Variants in ARHGEF26 observed in about 807,000 individuals in gnomAD.
The protein encoded by ARHGEF26 is Rho guanine nucleotide exchange factor 26, also known as Rho guanine nucleotide exchange factor (GEF) 26.
ARHGEF26 carries 59 observed loss-of-function variants against 89.4 expected under a neutral mutation model. That is an observed-to-expected ratio of 0.66 (90% CI 0.54 to 0.82). The LOEUF (loss-of-function observed/expected upper bound fraction) is 0.82, where lower values mean the gene tolerates loss of function less well. ARHGEF26 is among the 40% of genes least tolerant of loss of function. ARHGEF26 has a pLI of 0.00. For missense variants in ARHGEF26, 1,234 were observed against 1,085.6 expected (o/e 1.14, Z -1.92); for synonymous variants, 500 against 428.4 (o/e 1.17, Z -2.06).
At chr3:154,194,398 G>T (rs1322158430) in intron 8 of ARHGEF26, among the ~76,000 whole-genome samples, 1 of 152,142 alleles carries the variant, frequency 6.6e-6, no homozygotes, top group Admixed American at 6.5e-5. Context: ...GCAGACCTGG[G>T]ATTTGAAACC....
At chr3:154,140,128 C>G (rs1264850234) in intron 4 of ARHGEF26, among the ~76,000 whole-genome samples, 2 of 152,078 alleles carry the variant, frequency 1.3e-5, no homozygotes, top group Non-Finnish European at 2.9e-5. Flanking sequence ...AATGAGCAGA[C>G]TGAGTTGCAG....
chr3:154,139,644 G>A (rs912083455), intron 4 of ARHGEF26, among the ~76,000 whole-genome samples: 1 of 152,096 alleles, frequency 6.6e-6, no homozygotes, highest in African/African-American at 2.4e-5. Flanking sequence ...CTATTTCTCA[G>A]GGCCACATCC....
chr3:154,212,644 A>G (rs931497095), intron 9 of ARHGEF26, among the ~76,000 whole-genome samples: 12 of 152,048 alleles, frequency 7.9e-5, no homozygotes, highest in African/African-American at 2.4e-4. Context: ...GGATGAAACC[A>G]TTTCACCTCA....
chr3:154,255,978 A>G lies in ARHGEF26; in HGVS notation c.*505A>G. ...TTAATGCTTCGTTAACTTCAAAAGG[A>G]ACTGGTAGAGTTCAGAAGGTGAGCT... On this transcript the variant is annotated 3_prime_UTR_variant, in exon 15 of 15. Coordinates refer to ENST00000465093, the MANE Select transcript of ARHGEF26 (RefSeq NM_015595.4). The G allele has an allele frequency of 1.0e-6, 1 of 985,870 alleles. No individual in the cohort carries two copies. The highest frequency in any genetic ancestry group is 1.2e-6 in the Non-Finnish European group (1 of 830,066). 61.1% of individuals were successfully genotyped at this position (985,870 alleles called of 1,614,324 possible).
chr3:154,121,911 G>C (rs1315526739), intron 1 of ARHGEF26, 31 bp from the exon 2 acceptor site: 2 of 1,499,292 alleles, frequency 1.3e-6, no homozygotes, highest in Non-Finnish European at 1.8e-6. Flanking sequence ...GTTGTCCAGA[G>C]GCACAGTTTC....
intron 3 of ARHGEF26, among the ~76,000 whole-genome samples, chr3:154,126,793 G>GCATC (rs1718357432): frequency 6.6e-6 from 1 of 152,148 alleles, no homozygotes; most frequent in Non-Finnish European, 1.5e-5. Flanking sequence ...ATACAGCCAT[G>GCATC]CATCACTTAA....
intron 12 of ARHGEF26, among the ~76,000 whole-genome samples, chr3:154,244,668 TAAAAC>T (rs759420711): frequency 4.1e-4 from 63 of 151,820 alleles, no homozygotes; most frequent in Non-Finnish European, 7.2e-4. Context: ...TAATATTACA[TAAAAC>T]AAAATATTAT....
chr3:154,247,182 T>G, intron 12 of ARHGEF26, among the ~76,000 whole-genome samples: 1 of 152,330 alleles, frequency 6.6e-6, no homozygotes. Context: ...CTCACACCTA[T>G]GACCATTCCT....
At chr3:154,238,204 A>G (rs374412859) in intron 11 of ARHGEF26, among the ~76,000 whole-genome samples, 2 of 152,198 alleles carry the variant, frequency 1.3e-5, no homozygotes, top group East Asian at 1.9e-4. Context: ...CTCTTTTTAT[A>G]AACATCATGT....
intron 6 of ARHGEF26, among the ~76,000 whole-genome samples, chr3:154,184,428 G>A (rs1424199346): frequency 6.6e-6 from 1 of 152,196 alleles, no homozygotes; most frequent in Non-Finnish European, 1.5e-5. Context: ...TTTCACAGAT[G>A]TGTATTTTTA....
intron 3 of ARHGEF26, among the ~76,000 whole-genome samples, chr3:154,126,057 C>T (rs940989523): frequency 2.6e-5 from 4 of 152,160 alleles, no homozygotes; most frequent in Admixed American, 2.0e-4. Flanking sequence ...AATGAGAAAT[C>T]TGTCAACAAT....
chr3:154,176,460 A>G (rs1362359688), intron 6 of ARHGEF26, among the ~76,000 whole-genome samples: 1 of 152,220 alleles, frequency 6.6e-6, no homozygotes, highest in Non-Finnish European at 1.5e-5. Flanking sequence ...ATTACTTACA[A>G]ATCAGCTGCT....
chr3:154,165,080 G>A (rs1489386910), intron 6 of ARHGEF26, among the ~76,000 whole-genome samples: 7 of 152,054 alleles, frequency 4.6e-5, no homozygotes, highest in South Asian at 2.1e-4. Flanking sequence ...TCATATGGTC[G>A]TTTGAGAATC....
At chr3:154,201,258 G>T (rs1253494238) in intron 9 of ARHGEF26, among the ~76,000 whole-genome samples, 3 of 151,344 alleles carry the variant, frequency 2.0e-5, no homozygotes, top group Admixed American at 6.6e-5. Context: ...GAAGTGTTTG[G>T]TTTTTTGTCC....
chr3:154,217,895 C>G lies in ARHGEF26; in HGVS notation c.1872C>G (p.Ala624=). The part of the protein sequence containing the change: ...SKLVRLCNEG[A]RKMERTEMMY... The stretch of plus-strand genomic sequence containing the variant: ...TGGTTCGACTATGCAATGAGGGCGC[C>G]CGGAAGATGGAAAGGACTGAGATGA... The change falls in exon 10 of 15, where the codon GCC becomes GCG. Residue 624 remains alanine, a synonymous_variant. Coordinates refer to ENST00000465093, the MANE Select transcript of ARHGEF26 (RefSeq NM_015595.4). The G allele has an allele frequency of 6.2e-7, 1 of 1,602,516 alleles. No homozygotes were observed. Among genetic ancestry groups the G allele is most frequent in the Non-Finnish European group, 8.5e-7 (1 of 1,174,314 alleles).
At chr3:154,170,371 G>T (rs907062470) in intron 6 of ARHGEF26, among the ~76,000 whole-genome samples, 1 of 151,906 alleles carries the variant, frequency 6.6e-6, no homozygotes, top group African/African-American at 2.4e-5. Flanking sequence ...AAAAGAAAAA[G>T]AAAAGAAAAG....
chr3:154,131,884 A>G (rs550025449), intron 4 of ARHGEF26, among the ~76,000 whole-genome samples: 171 of 152,356 alleles, frequency 1.1e-3, no homozygotes, highest in African/African-American at 4.1e-3. Flanking sequence ...CTTCAGTTCA[A>G]CTTTGTTTAT....
chr3:154,138,937 A>T lies in ARHGEF26; in HGVS notation c.1269+9218A>T, dbSNP rs1719187035. Among the ~76,000 whole-genome samples, 3 of 152,318 alleles carry T rather than the reference A, an allele frequency of 2.0e-5. No homozygotes were observed. The South Asian group carries it at 6.2e-4, about 32-fold the overall frequency. ...TCATCCCATAGATAAATGCATAATT[A>T]CTATTGTGGTAAAGCTGTGAATGAC... On this transcript the variant is annotated intron_variant, in intron 4 of 14. Transcript: ENST00000465093.
At chr3:154,123,458 G>T (rs1014671445) in intron 2 of ARHGEF26, among the ~76,000 whole-genome samples, 2 of 152,120 alleles carry the variant, frequency 1.3e-5, no homozygotes, top group African/African-American at 4.8e-5. Flanking sequence ...TTGCTTAGAG[G>T]TTTCAGTCAA....
Sources: gnomAD v4.1 joint callset for allele counts (sites outside exome capture counted in the v4.1 genomes callset) on GRCh38, gnomAD v4.1.1 for gene constraint, MANE v1.5 for transcripts, NCBI Gene and HGNC (gene_info 2026-07-23, HGNC 2026-07-21) for gene names.